ZC3HC1: variants seen among roughly 807,000 people sequenced by gnomAD.
ZC3HC1 encodes the protein zinc finger C3HC-type containing 1, also known as zinc finger C3HC-type protein 1.
In ZC3HC1, 38 loss-of-function variants were observed where a neutral mutation model predicts 61.9. The ratio of observed to expected loss-of-function variants is 0.61; its 90% confidence interval spans 0.47 to 0.81. The LOEUF is 0.81. ZC3HC1 is among the 30% of genes least tolerant of loss of function. The pLI, the probability that ZC3HC1 is intolerant of heterozygous loss-of-function variation, is 0.00. For synonymous variants in ZC3HC1, 213 were observed against 229.9 expected, an observed-to-expected ratio of 0.93 and a Z score of 0.67; for missense variants, 554 against 622.7, an observed-to-expected ratio of 0.89 and a Z score of 1.17.
At chr7:130,049,711 C>T (rs909297778) in intron 1 of ZC3HC1, among the ~76,000 whole-genome samples, 1 of 151,550 alleles carries the variant, frequency 6.6e-6, no homozygotes. Flanking sequence ...GGCGTGGGCC[C>T]GGCTAATTTT....
Position 130,049,111 on chromosome 7 carries a change from A to T in ZC3HC1, c.180T>A (p.Asn60Lys), listed in dbSNP as rs371593881. Residue 60 changes from asparagine (N) to lysine (K), a missense_variant, in exon 2 of 10, where the codon AAT becomes AAA. Asn to Lys is a moderately conservative substitution (Grantham distance 94, BLOSUM62 0). Coordinates refer to ENST00000358303, the MANE Select transcript of ZC3HC1 (RefSeq NM_016478.5). ...AAGGTTGTTCCGCTTGGGGTGATCC[A>T]TTAACTGACTGGGATGTGGCAGACG... ...KDTSATSQSVNGSPQAEQPSL... is the reference protein window; with the variant it reads ...KDTSATSQSVKGSPQAEQPSL... 7.5e-6 allele frequency: 12 copies of T among 1,605,532 alleles called. No homozygotes were observed. In the East Asian group the frequency reaches 2.7e-4, roughly 36 times the overall value.
chr7:130,026,058 G>A, intron 6 of ZC3HC1, 100 bp downstream of exon 6: 2 of 1,372,630 alleles, frequency 1.5e-6, no homozygotes, highest in Non-Finnish European at 2.0e-6. Flanking sequence ...TTTTCTCACG[G>A]GAAACACCAT....
intron 1 of ZC3HC1, among the ~76,000 whole-genome samples, chr7:130,049,738 G>C (rs1795002986): frequency 6.6e-6 from 1 of 151,974 alleles, no homozygotes; most frequent in Non-Finnish European, 1.5e-5. Context: ...CTTTAGGACA[G>C]ACGGGGTTTC....
intron 1 of ZC3HC1, chr7:130,050,358 G>T (rs757624155): frequency 1.3e-5 from 19 of 1,462,366 alleles, no homozygotes; most frequent in Non-Finnish European, 1.7e-5. Flanking sequence ...GATTATAGGC[G>T]TGAGCCACCG....
chr7:130,031,224 G>A (rs534384475), intron 4 of ZC3HC1, among the ~76,000 whole-genome samples: 352 of 151,074 alleles, frequency 2.3e-3, no homozygotes, highest in Admixed American at 5.6e-3. Flanking sequence ...AGCTACTCGG[G>A]AGGCTGAGGC....
intron 1 of ZC3HC1, 103 bp downstream of exon 1, chr7:130,051,118 G>A (rs1315093413): frequency 1.4e-6 from 2 of 1,439,930 alleles, no homozygotes; most frequent in Non-Finnish European, 1.8e-6. Flanking sequence ...CATCCCCACT[G>A]CCCGAGTCGC....
chr7:130,023,848 G>T lies in ZC3HC1; in HGVS notation c.1021-125C>A, dbSNP rs1793763798. The T allele has an allele frequency of 2.2e-6, 2 of 898,508 alleles. No individual in the cohort carries two copies. The highest frequency in any genetic ancestry group is 3.3e-6 in the Non-Finnish European group (2 of 611,346). 55.7% of individuals were successfully genotyped at this position (898,508 alleles called of 1,614,324 possible). ...AGAGTCTCGCTTTGTTGCCAAGGCT[G>T]GAGAGCAGTGAGGCGATCTTGGCTC... On this transcript the variant is annotated intron_variant, in intron 7 of 9. Transcript: ENST00000358303. This position sits in a 1 kb window ranked among gnomAD's most constrained non-coding sequence, Gnocchi z 4.2.
intron 3 of ZC3HC1, among the ~76,000 whole-genome samples, chr7:130,040,318 C>A (rs1328117054): frequency 6.7e-6 from 1 of 148,968 alleles, no homozygotes; most frequent in Non-Finnish European, 1.5e-5. Flanking sequence ...CACGGTGAAA[C>A]CCCGTCTCTA....
chr7:130,044,094 A>G (rs539885434), intron 2 of ZC3HC1, among the ~76,000 whole-genome samples: 2 of 152,218 alleles, frequency 1.3e-5, no homozygotes, highest in African/African-American at 2.4e-5. Flanking sequence ...GTGTGTACAT[A>G]AACATATATA....
In ZC3HC1 at chr7:130,039,503, G is replaced by C; in HGVS notation, c.454C>G (p.His152Asp). ...AELKKALCTA[H>D]EKFCFWPDSP... ...TCTGGCCAGAAACAGAACTTCTCAT[G>C]GGCAGTACACAAGGCTTTCTTCAGC... Residue 152 changes from histidine to aspartate, a missense_variant, in exon 4 of 10, where the codon CAT (histidine) becomes GAT (aspartate). Physicochemically the swap from His to Asp is moderately conservative, Grantham distance 81. Transcript: ENST00000358303. 6.2e-7 allele frequency: 1 copy of C among 1,612,822 alleles called. No homozygotes were observed.
intron 2 of ZC3HC1, among the ~76,000 whole-genome samples, chr7:130,042,234 T>G (rs1794706569): frequency 6.9e-6 from 1 of 145,272 alleles, no homozygotes; most frequent in African/African-American, 2.6e-5. Flanking sequence ...GCCCAGGAGA[T>G]CAAGGCCACA....
chr7:130,045,167 T>C (rs2116767909), intron 2 of ZC3HC1: 1 of 168,510 alleles, frequency 5.9e-6, no homozygotes, highest in African/African-American at 2.4e-5. Flanking sequence ...GACAAAGTCC[T>C]TGTTTGTAGG....
Position 130,051,253 on chromosome 7 carries a change from C to G in ZC3HC1, c.114G>C (p.Glu38Asp), listed in dbSNP as rs1189186254. Residue 38 changes from glutamate (E) to aspartate (D), a missense_variant, in exon 1 of 10, where the codon GAG becomes GAC. Physicochemically the swap from Glu to Asp is conservative, Grantham distance 45. Coordinates refer to ENST00000358303, the MANE Select transcript of ZC3HC1 (RefSeq NM_016478.5). Reference protein sequence around the residue: ...TPQKIRQLIDEGIAPEEGGVD... With the variant: ...TPQKIRQLIDDGIAPEEGGVD... ...CGCCTCCCTCTTCCGGGGCAATCCC[C>G]TCATCTATCAGCTGCCGGATTTTCT... 6.2e-7 allele frequency: 1 copy of G among 1,611,814 alleles called. No homozygotes were observed. Among genetic ancestry groups the G allele is most frequent in the Non-Finnish European group, 8.5e-7 (1 of 1,179,028 alleles).
chr7:130,019,824 T>G (rs1793556088), intron 9 of ZC3HC1, among the ~76,000 whole-genome samples: 2 of 145,112 alleles, frequency 1.4e-5, no homozygotes, highest in East Asian at 2.0e-4. Flanking sequence ...TTTTTTTTTT[T>G]TTTTTTTTTT....
At chr7:130,048,143 G>GTT (rs11364921) in intron 2 of ZC3HC1, among the ~76,000 whole-genome samples, 1,863 of 73,350 alleles carry the variant, frequency 0.025, 79 homozygotes, top group African/African-American at 0.091. Flanking sequence ...TTTCCTAGTT[G>GTT]TTTTTTTTTT....
Position 130,022,216 on chromosome 7 carries a change from T to G in ZC3HC1, c.1440+103A>C, listed in dbSNP as rs190085086. ...AAAAAAACCCAAATAACTTGACGTA[T>G]GAAAGCTGAAGGCAGGCGGGGTGCT... On this transcript the variant is annotated intron_variant, in intron 9 of 9. Transcript: ENST00000358303. The G allele has an allele frequency of 1.5e-4, 219 of 1,428,518 alleles. 1 individual carries two copies. The East Asian group carries it at 3.7e-3, about 24-fold the overall frequency. 88.5% of individuals were successfully genotyped at this position (1,428,518 alleles called of 1,614,324 possible).
At chr7:130,037,640 T>C (rs1265938310) in intron 4 of ZC3HC1, among the ~76,000 whole-genome samples, 1 of 152,178 alleles carries the variant, frequency 6.6e-6, no homozygotes, top group Non-Finnish European at 1.5e-5. Flanking sequence ...AATAATCCCT[T>C]TTCTACCACC....
At chr7:130,043,869 T>A (rs1794770958) in intron 2 of ZC3HC1, 1 of 455,458 alleles carries the variant, frequency 2.2e-6, no homozygotes, top group Non-Finnish European at 4.4e-6. Flanking sequence ...ATATAGGGGA[T>A]TGATCAAAGT....
In ZC3HC1 at chr7:130,018,696, A is replaced by T; in HGVS notation, c.1477T>A (p.Phe493Ile). Residue 493 changes from phenylalanine (F) to isoleucine (I), a missense_variant, in exon 10 of 10, where the codon TTT (phenylalanine) becomes ATT (isoleucine). By Grantham distance (21) the Phe-to-Ile change is conservative (BLOSUM62 0). Coordinates refer to ENST00000358303, the MANE Select transcript of ZC3HC1 (RefSeq NM_016478.5). ...SEKSRKVFRI[F>I]RQWESLCSC ...GAGCACAGAGATTCCCACTGCCGAAATATTCGGAATACTTTCCTTGATTTC... is the reference window on the plus strand; with the variant it reads ...GAGCACAGAGATTCCCACTGCCGAATTATTCGGAATACTTTCCTTGATTTC... 6.2e-7 allele frequency: 1 copy of T among 1,612,682 alleles called. No homozygotes were observed. Among genetic ancestry groups the T allele is most frequent in the Non-Finnish European group, 8.5e-7 (1 of 1,178,896 alleles).
Sources: allele counts gnomAD v4.1 joint callset (sites outside exome capture counted in the v4.1 genomes callset), GRCh38; gene constraint gnomAD v4.1.1; non-coding constraint Gnocchi (gnomAD v3.1); transcripts MANE v1.5; gene names NCBI Gene and HGNC (gene_info 2026-07-23, HGNC 2026-07-21).